The following ZZEF1 variants were observed in gnomAD, a reference collection of about 807,000 sequenced individuals.
ZZEF1 encodes the protein zinc finger ZZ-type and EF-hand domain containing 1, also known as zinc finger ZZ-type and EF-hand domain-containing protein 1.
Under a neutral mutation model 342.8 loss-of-function variants are expected in ZZEF1, and 157 were observed. The observed-to-expected ratio is 0.46, with a 90% CI of 0.40 to 0.52. The LOEUF is 0.52. ZZEF1 is among the 20% of genes least tolerant of loss of function. The pLI is 0.00. For synonymous variants in ZZEF1, 1,505 were observed against 1,429.1 expected, an observed-to-expected ratio of 1.05 and a Z score of -1.20; for missense variants, 3,480 against 3,725.6, an observed-to-expected ratio of 0.93 and a Z score of 1.72.
At chr17:4,086,114 G>C (rs1404645342) in intron 15 of ZZEF1, among the ~76,000 whole-genome samples, 1 of 152,154 alleles carries the variant, frequency 6.6e-6, no homozygotes, top group African/African-American at 2.4e-5. Context: ...AGCCTCATCT[G>C]AGTGACTTAG....
chr17:4,108,346 T>C (rs2058244868), intron 6 of ZZEF1, among the ~76,000 whole-genome samples: 1 of 152,004 alleles, frequency 6.6e-6, no homozygotes, highest in Non-Finnish European at 1.5e-5. Context: ...AAACATCAAA[T>C]AAACCAGAAT....
chr17:4,013,949 G>A, intron 51 of ZZEF1, 141 bp downstream of exon 51: 2 of 781,390 alleles, frequency 2.6e-6, no homozygotes, highest in Non-Finnish European at 2.1e-6. Flanking sequence ...GACAGGTGTG[G>A]GGCTTGTGAG....
intron 9 of ZZEF1, among the ~76,000 whole-genome samples, chr17:4,098,275 G>A (rs1481813551): frequency 6.6e-6 from 1 of 151,336 alleles, no homozygotes; most frequent in Non-Finnish European, 1.5e-5. Flanking sequence ...AGCTGGGCAC[G>A]GTGGTGCACA....
At chr17:4,056,458 T>A in intron 32 of ZZEF1, 113 bp from the exon 33 acceptor site, 1 of 1,149,654 alleles carries the variant, frequency 8.7e-7, no homozygotes, top group Non-Finnish European at 1.1e-6. Context: ...TTTCAACTTC[T>A]GAGAGGGAAA....
Position 4,034,252 on chromosome 17 carries a change from G to A in ZZEF1, c.6347C>T (p.Pro2116Leu). Residue 2116 changes from proline to leucine, a missense_variant, in exon 40 of 55, where the codon CCA becomes CTA. By Grantham distance (98) the Pro-to-Leu change is moderately conservative. Around this residue, in one of 5 missense-constraint regions of ZZEF1, gnomAD observed 1,269 missense variants for 1,342.4 expected, o/e 0.95. Coordinates refer to ENST00000381638, the MANE Select transcript of ZZEF1 (RefSeq NM_015113.4). ...VPLIDLEHVL[P>L]LMFQVVISNA... ...TGAGATGACAACCTGAAACATGAGT[G>A]GAAGGACGTGCTCCAGGTCTATCAG... 6.2e-7 allele frequency: 1 copy of A among 1,614,194 alleles called. No homozygotes were observed. Among genetic ancestry groups the A allele is most frequent in the Non-Finnish European group, 8.5e-7 (1 of 1,180,028 alleles).
chr17:4,065,341 G>A (rs2057371512), intron 28 of ZZEF1, among the ~76,000 whole-genome samples: 1 of 151,656 alleles, frequency 6.6e-6, no homozygotes, highest in African/African-American at 2.4e-5. Context: ...AAGCTGCAGT[G>A]AGCCGAGATC....
intron 15 of ZZEF1, among the ~76,000 whole-genome samples, 196 bp downstream of exon 15, chr17:4,086,287 CAAT>C (rs1479153379): frequency 2.2e-4 from 6 of 27,600 alleles, no homozygotes; most frequent in African/African-American, 6.2e-4. Context: ...CCCACAGCGG[CAAT>C]CCCTTTCTGG....
chr17:4,008,575 A>T lies in ZZEF1; in HGVS notation c.8805+308T>A. 8.9e-7 allele frequency: 1 copy of T among 1,120,356 alleles called. No individual in the cohort carries two copies. The highest frequency in any genetic ancestry group is 1.1e-6 in the Non-Finnish European group (1 of 914,924). The allele number at this position is 1,120,356 out of a possible 1,614,324, so 69.4% of individuals were successfully genotyped here. On this transcript the variant is annotated intron_variant, in intron 54 of 54. Coordinates refer to ENST00000381638, the MANE Select transcript of ZZEF1 (RefSeq NM_015113.4). This position sits in a 1 kb window ranked among gnomAD's most constrained non-coding sequence, Gnocchi z 4.2. Reference sequence around the variant, plus strand: ...CCAGAGAAGCAACTCACATCTAAAAATATGTGAAATCTAACTCCACGGAAA... The same window carrying T: ...CCAGAGAAGCAACTCACATCTAAAATTATGTGAAATCTAACTCCACGGAAA...
intron 8 of ZZEF1, among the ~76,000 whole-genome samples, chr17:4,102,699 T>C (rs929889499): frequency 1.3e-5 from 2 of 152,206 alleles, no homozygotes; most frequent in East Asian, 1.9e-4. Context: ...CATAGGTTGA[T>C]AACATAGATT....
At chr17:4,077,124 G>T (rs917699054) in intron 19 of ZZEF1, 135 bp from the exon 20 acceptor site, 14 of 783,118 alleles carry the variant, frequency 1.8e-5, no homozygotes, top group African/African-American at 3.5e-5. Flanking sequence ...AGGCCAGCAA[G>T]TGCCGTCCTA....
At chr17:4,009,262 T>A in intron 53 of ZZEF1, 2 of 558,588 alleles carry the variant, frequency 3.6e-6, no homozygotes, top group Non-Finnish European at 6.4e-6. Flanking sequence ...AGCTCCCACA[T>A]TCAATCAGTC....
In ZZEF1 at chr17:4,064,454, T is replaced by A; in HGVS notation, c.4625A>T (p.Glu1542Val). The A allele has an allele frequency of 6.2e-7, 1 of 1,614,146 alleles. No homozygotes were observed. The highest frequency in any genetic ancestry group is 8.5e-7 in the Non-Finnish European group (1 of 1,180,022). Residue 1542 changes from glutamate (E) to valine (V), a missense_variant, in exon 29 of 55, where the codon GAG (glutamate) becomes GTG (valine). Physicochemically the swap from Glu to Val is moderately radical, Grantham distance 121. This residue lies in a region of ZZEF1 where 1,528 missense variants were observed against 1,624.1 expected (regional missense o/e 0.94). Coordinates refer to ENST00000381638, the MANE Select transcript of ZZEF1 (RefSeq NM_015113.4). ...RLRLLSFRSM[E>V]EARLVPTVKE... ...CACTGTGGGCACCAGTCTGGCCTCC[T>A]CCATGGATCGAAAGGAGAGCAGCCG...
intron 13 of ZZEF1, 29 bp downstream of exon 13, chr17:4,088,649 A>G (rs67005107): frequency 0.17 from 276,934 of 1,607,694 alleles, 24,617 homozygotes; most frequent in African/African-American, 0.22. Flanking sequence ...TCCTAAAGGA[A>G]TGCCGTCTAA....
chr17:4,053,300 A>T (rs554950925), intron 34 of ZZEF1, among the ~76,000 whole-genome samples: 1 of 152,206 alleles, frequency 6.6e-6, no homozygotes, highest in Admixed American at 6.5e-5. Context: ...CAAACATTTC[A>T]GCATGGCCAT....
At chr17:4,091,487 A>G (rs892460573) in intron 11 of ZZEF1, among the ~76,000 whole-genome samples, 1 of 152,238 alleles carries the variant, frequency 6.6e-6, no homozygotes, top group African/African-American at 2.4e-5. Context: ...TCAGGAATTA[A>G]GTAACTAAGA....
chr17:4,052,882 G>C (rs1567796800), intron 34 of ZZEF1, among the ~76,000 whole-genome samples: 1 of 148,392 alleles, frequency 6.7e-6, no homozygotes. Flanking sequence ...GGCGGCGGGG[G>C]AGAAAAAACC....
At position 4,044,232 on chromosome 17, in the gene ZZEF1, C is replaced by T. The variant is rs765400961; in HGVS notation, c.6158G>A (p.Gly2053Glu). 1.2e-5 allele frequency: 19 copies of T among 1,613,678 alleles called. 1 individual carries two copies. The South Asian group carries it at 2.1e-4, about 18-fold the overall frequency. Residue 2053 changes from glycine (G) to glutamate (E), a missense_variant, in exon 38 of 55, where the codon GGA (glycine) becomes GAA (glutamate). Coordinates refer to ENST00000381638, the MANE Select transcript of ZZEF1 (RefSeq NM_015113.4). ...GGTCAAATAGTCTTTACCTGGAAGT[C>T]CTGTAGGTGGGCTAGCATCTGCAGG... ...DSPADASPPT[G>E]LPDAEDSEVS...
At position 4,050,974 on chromosome 17, in the gene ZZEF1, G is replaced by A. The variant is rs770578277; in HGVS notation, c.5670C>T (p.Leu1890=). The A allele has an allele frequency of 1.9e-6, 3 of 1,614,238 alleles. No individual in the cohort carries two copies. The highest frequency in any genetic ancestry group is 1.7e-6 in the Non-Finnish European group (2 of 1,180,038). The change falls in exon 36 of 55, where the codon CTC becomes CTT. Residue 1890 remains leucine, a synonymous_variant. Coordinates refer to ENST00000381638, the MANE Select transcript of ZZEF1 (RefSeq NM_015113.4). ...AGTAGTTATGGATATATGGCTGGAT[G>A]AGCCTCTGCCGGTCACTGATCCGAA... ...VTIRISDRQR[L]IQPYIHNYSW...
chr17:4,068,669 C>A (rs968714220), intron 26 of ZZEF1, among the ~76,000 whole-genome samples: 2 of 152,194 alleles, frequency 1.3e-5, no homozygotes, highest in Non-Finnish European at 2.9e-5. Context: ...TATACTAGAA[C>A]AGCATGAAGC....
Sources: allele counts gnomAD v4.1 joint callset (sites outside exome capture counted in the v4.1 genomes callset), GRCh38; gene constraint gnomAD v4.1.1; regional missense constraint gnomAD v4.1.1; non-coding constraint Gnocchi (gnomAD v3.1); transcripts MANE v1.5; gene names NCBI Gene and HGNC (gene_info 2026-07-23, HGNC 2026-07-21).